The following MDGA2 variants were observed in gnomAD, a reference collection of about 807,000 sequenced individuals.
The protein encoded by MDGA2 is MAM domain-containing glycosylphosphatidylinositol anchor protein 2.
In MDGA2, 40 loss-of-function variants were observed where a neutral mutation model predicts 117.8. The ratio of observed to expected loss-of-function variants is 0.34; its 90% CI spans 0.26 to 0.44. The LOEUF (loss-of-function observed/expected upper bound fraction) is 0.44. MDGA2 is among the 20% of genes least tolerant of loss of function. MDGA2 has a pLI of 1.00. For missense variants in MDGA2, 1,123 were observed against 1,250.6 expected, an observed-to-expected ratio of 0.90 and a Z score of 1.54; for synonymous variants, 452 against 439.0, an observed-to-expected ratio of 1.03 and a Z score of -0.37.
intron 3 of MDGA2, among the ~76,000 whole-genome samples, chr14:47,194,724 T>G (rs1453990134): frequency 6.6e-6 from 1 of 152,020 alleles, no homozygotes; most frequent in East Asian, 1.9e-4. Context: ...AGAATTACAA[T>G]TAGGAAGTTA....
intron 5 of MDGA2, among the ~76,000 whole-genome samples, chr14:47,101,803 A>G (rs1283759127): frequency 6.6e-6 from 1 of 152,222 alleles, no homozygotes; most frequent in Non-Finnish European, 1.5e-5. Flanking sequence ...TTATGGCAGA[A>G]TAAAGAGTTG....
At chr14:47,593,417 G>A (rs566415234) in intron 1 of MDGA2, among the ~76,000 whole-genome samples, 1 of 152,210 alleles carries the variant, frequency 6.6e-6, no homozygotes, top group African/African-American at 2.4e-5. Context: ...CTATTATAAA[G>A]ATACATGCAT....
At chr14:47,141,447 G>C (rs964225981) in intron 4 of MDGA2, among the ~76,000 whole-genome samples, 1 of 152,096 alleles carries the variant, frequency 6.6e-6, no homozygotes, top group East Asian at 1.9e-4. Context: ...GTACATAATG[G>C]AATACTATTC....
chr14:47,054,768 A>G (rs889339543), intron 7 of MDGA2, among the ~76,000 whole-genome samples: 1 of 151,834 alleles, frequency 6.6e-6, no homozygotes, highest in Non-Finnish European at 1.5e-5. Context: ...TTCCCTATTT[A>G]ATAAATGGTG....
At chr14:47,204,253 A>T (rs1215583289) in intron 3 of MDGA2, among the ~76,000 whole-genome samples, 2 of 152,054 alleles carry the variant, frequency 1.3e-5, no homozygotes, top group African/African-American at 4.8e-5. Flanking sequence ...ATGGTAGACA[A>T]AGCTGAATGG....
chr14:47,659,823 T>G (rs565557645), intron 1 of MDGA2, among the ~76,000 whole-genome samples: 1 of 152,216 alleles, frequency 6.6e-6, no homozygotes, highest in Non-Finnish European at 1.5e-5. Flanking sequence ...ATTAAACTCT[T>G]ATGAACTTGG....
chr14:47,135,477 G>A (rs1284909341), intron 4 of MDGA2, among the ~76,000 whole-genome samples: 1 of 152,070 alleles, frequency 6.6e-6, no homozygotes, highest in Non-Finnish European at 1.5e-5. Flanking sequence ...TGCAATGTTT[G>A]CTAGCATACA....
intron 14 of MDGA2, among the ~76,000 whole-genome samples, chr14:46,861,726 G>A (rs1184100186): frequency 6.6e-6 from 1 of 151,902 alleles, no homozygotes; most frequent in African/African-American, 2.4e-5. Context: ...CCCAGTCAGT[G>A]AATGCAAACT....
Position 47,035,314 on chromosome 14 carries a change from G to C in MDGA2, c.1526-10C>G, listed in dbSNP as rs757767640. The C allele has an allele frequency of 4.4e-6, 7 of 1,597,598 alleles. No homozygotes were observed. In the African/African-American group the frequency reaches 8.1e-5, roughly 18 times the overall value. ...GTCAGATTGGGTGGAACTTGAAATG[G>C]GAAAAAGAAAATTTTTCAAGGTTAG... On this transcript the variant is annotated splice_polypyrimidine_tract_variant and intron_variant, in intron 7 of 16. Transcript: ENST00000399232.
Position 47,193,021 on chromosome 14 carries a change from A to AT in MDGA2, c.595+24999dup, listed in dbSNP as rs532047010. ...AATCTCATTGAAAGAATATCATTGT[A>AT]TTTTTTAAAAATCCCAAGTTCAGGA... is the stretch of plus-strand genomic sequence containing the variant. On this transcript the variant is annotated intron_variant, in intron 3 of 16. Coordinates refer to ENST00000399232, the MANE Select transcript of MDGA2 (RefSeq NM_001113498.3). Among the ~76,000 whole-genome samples the AT allele has an allele frequency of 2.0e-4, 31 of 152,320 alleles. No homozygotes were observed. In the South Asian group the frequency reaches 5.0e-3, roughly 24 times the overall value.
intron 1 of MDGA2, among the ~76,000 whole-genome samples, chr14:47,594,527 C>T (rs1896499735): frequency 6.6e-6 from 1 of 152,146 alleles, no homozygotes; most frequent in African/African-American, 2.4e-5. Flanking sequence ...TCAATTTGAG[C>T]AAAAGAGGAC....
chr14:47,077,580 T>C (rs1890541789), intron 6 of MDGA2, among the ~76,000 whole-genome samples: 1 of 152,004 alleles, frequency 6.6e-6, no homozygotes, highest in South Asian at 2.1e-4. Flanking sequence ...TACTTATACC[T>C]AGCCATGTTC....
At chr14:47,104,157 C>CT (rs1880503364) in intron 5 of MDGA2, among the ~76,000 whole-genome samples, 1 of 152,204 alleles carries the variant, frequency 6.6e-6, no homozygotes, top group Admixed American at 6.5e-5. Context: ...CTTCAGTAAA[C>CT]TAAGACTTTG....
At chr14:46,916,864 T>A (rs546154947) in intron 10 of MDGA2, among the ~76,000 whole-genome samples, 1 of 152,196 alleles carries the variant, frequency 6.6e-6, no homozygotes, top group Non-Finnish European at 1.5e-5. Flanking sequence ...CGCTTATTTC[T>A]AAATATAAAA....
chr14:46,955,304 T>C (rs972278363), intron 9 of MDGA2, among the ~76,000 whole-genome samples: 2 of 152,008 alleles, frequency 1.3e-5, no homozygotes, highest in African/African-American at 4.8e-5. Flanking sequence ...TTGTAAAAAA[T>C]AGCCCATCAT....
chr14:47,139,805 TATATATATACACACATATATATACAC>T (rs1375662259), intron 4 of MDGA2, among the ~76,000 whole-genome samples: 206 of 3,498 alleles, frequency 0.059, 4 homozygotes, highest in African/African-American at 0.33. Context: ...TATATATATG[TATATATATACACACATATATATACAC>T]ATATATATAT....
chr14:46,926,925 C>T (rs1028095119), intron 9 of MDGA2, among the ~76,000 whole-genome samples: 4 of 152,002 alleles, frequency 2.6e-5, no homozygotes, highest in Non-Finnish European at 2.9e-5. Flanking sequence ...AAAGTGATTG[C>T]GCATACTGCT....
intron 2 of MDGA2, among the ~76,000 whole-genome samples, chr14:47,282,737 C>G (rs1365910974): frequency 6.7e-6 from 1 of 150,112 alleles, no homozygotes; most frequent in African/African-American, 2.4e-5. Context: ...AACAGGTAAT[C>G]AGTTCTATAC....
Position 46,952,010 on chromosome 14 carries a change from G to A in MDGA2, c.2089+5364C>T, listed in dbSNP as rs202033087. On this transcript the variant is annotated intron_variant, in intron 9 of 16. Transcript: ENST00000399232. The stretch of plus-strand genomic sequence containing the variant: ...GAAATTATTCTGAGACTAAATGTCC[G>A]TGGCTCTGAAAAAGGGATACAATAG... Among the ~76,000 whole-genome samples, 12 of 151,830 alleles carry A rather than the reference G, an allele frequency of 7.9e-5. No homozygotes were observed. The East Asian group carries it at 1.7e-3, about 22-fold the overall frequency.
Sources: allele counts gnomAD v4.1 joint callset (sites outside exome capture counted in the v4.1 genomes callset), GRCh38; gene constraint gnomAD v4.1.1; transcripts MANE v1.5; gene names NCBI Gene and HGNC (gene_info 2026-07-23, HGNC 2026-07-21).